The following RRN3 variants were observed in gnomAD, a reference collection of about 807,000 sequenced individuals.
RRN3 encodes the protein RNA polymerase I-specific transcription initiation factor RRN3.
RRN3 carries 38 observed loss-of-function variants against 82.3 expected under a neutral mutation model. The observed-to-expected ratio is 0.46, with a 90% CI of 0.36 to 0.61. RRN3 has a LOEUF of 0.61. RRN3 is among the 20% of genes least tolerant of loss of function. The pLI, the probability that RRN3 is intolerant of heterozygous loss-of-function variation, is 0.00. For synonymous variants in RRN3, 284 were observed against 284.3 expected, an observed-to-expected ratio of 1.00 and a Z score of 0.01; for missense variants, 726 against 793.1, an observed-to-expected ratio of 0.92 and a Z score of 1.02.
At position 15,086,125 on chromosome 16, in the gene RRN3, T is replaced by C. The variant is rs761881031; in HGVS notation, c.472+4A>G. On this transcript the variant is annotated splice_donor_region_variant and intron_variant, in intron 5 of 17. Transcript: ENST00000198767. ...AGAAAATAAAATTCCAAGCAATGAC[T>C]TACGAGGCACAAAATGGGAAGCAAT... 2 of 1,605,754 alleles carry C rather than the reference T, an allele frequency of 1.2e-6. No individual in the cohort carries two copies. The highest frequency in any genetic ancestry group is 2.2e-5 in the South Asian group (2 of 89,504).
In RRN3 at chr16:15,061,721, A is replaced by G; in HGVS notation, c.*23T>C. On this transcript the variant is annotated 3_prime_UTR_variant, in exon 18 of 18. Coordinates refer to ENST00000198767, the MANE Select transcript of RRN3 (RefSeq NM_018427.5). ...AGTGATGGGGAATCCCAAATGTCAC[A>G]TCTCAGTCACAAATTTCTGCCGTCA... 1 of 1,597,732 alleles carries G rather than the reference A, an allele frequency of 6.3e-7. No individual in the cohort carries two copies. The highest frequency in any genetic ancestry group is 8.6e-7 in the Non-Finnish European group (1 of 1,166,692).
intron 3 of RRN3, among the ~76,000 whole-genome samples, chr16:15,087,880 C>T (rs1174738653): frequency 6.6e-6 from 1 of 151,988 alleles, no homozygotes; most frequent in African/African-American, 2.4e-5. Flanking sequence ...TTTGGGAGGC[C>T]GAGGTGGGTG....
intron 3 of RRN3, among the ~76,000 whole-genome samples, chr16:15,090,933 T>C (rs1353848601): frequency 6.7e-6 from 1 of 150,290 alleles, no homozygotes; most frequent in African/African-American, 2.4e-5. Flanking sequence ...GCATGCAGCA[T>C]GGAGGAAAGA....
intron 3 of RRN3, among the ~76,000 whole-genome samples, chr16:15,086,655 ACT>A (rs1354593296): frequency 6.6e-6 from 1 of 152,214 alleles, no homozygotes; most frequent in African/African-American, 2.4e-5. Context: ...TAATCTAGTA[ACT>A]CTAATACACA....
intron 3 of RRN3, among the ~76,000 whole-genome samples, chr16:15,088,057 A>T (rs1299383989): frequency 6.6e-6 from 1 of 152,142 alleles, no homozygotes; most frequent in East Asian, 1.9e-4. Flanking sequence ...CAGAGGTTGC[A>T]GTGAGCCAAG....
intron 8 of RRN3, among the ~76,000 whole-genome samples, chr16:15,081,398 G>A (rs565529196): frequency 1.2e-4 from 19 of 152,146 alleles, no homozygotes; most frequent in Admixed American, 3.3e-4. Context: ...CTGTCTTCTC[G>A]TTCTGATTAT....
At chr16:15,074,053 T>A (rs1023904572) in intron 11 of RRN3, among the ~76,000 whole-genome samples, 7 of 152,208 alleles carry the variant, frequency 4.6e-5, no homozygotes, top group African/African-American at 1.7e-4. Flanking sequence ...GGGAAAAAAG[T>A]CAAACTTCAA....
intron 3 of RRN3, 143 bp from the exon 4 acceptor site, chr16:15,086,597 A>G: frequency 2.4e-6 from 3 of 1,232,402 alleles, no homozygotes; most frequent in Non-Finnish European, 3.4e-6. Context: ...ACTGGGTATT[A>G]AAACAGAAAA....
At chr16:15,069,948 G>C (rs2045150632) in intron 14 of RRN3, 122 bp downstream of exon 14, 6 of 1,446,924 alleles carry the variant, frequency 4.1e-6, no homozygotes, top group Non-Finnish European at 5.7e-6. Flanking sequence ...TTAAAAGTTT[G>C]AGTGCACATG....
chr16:15,061,778 G>A lies in RRN3; in HGVS notation c.1922C>T (p.Pro641Leu). ...ACTGGGTTGCATGTACAACACGGGT[G>A]GGGAGCCCACACTACTTGAAGGACT... ...FRSPSSSVGS[P>L]PVLYMQPSPL Residue 641 changes from proline (P) to leucine (L), a missense_variant, in exon 18 of 18, where the codon CCA (proline) becomes CTA (leucine). Physicochemically the swap from Pro to Leu is moderately conservative, Grantham distance 98. Transcript: ENST00000198767. The A allele has an allele frequency of 6.2e-7, 1 of 1,613,988 alleles. No homozygotes were observed. The highest frequency in any genetic ancestry group is 8.5e-7 in the Non-Finnish European group (1 of 1,179,840).
rs189732613 is a variant in RRN3 at position 15,073,470 on chromosome 16, A to C, written c.998-390T>G. On this transcript the variant is annotated intron_variant, in intron 11 of 17. Transcript: ENST00000198767. Reference sequence around the variant, plus strand: ...ACCGTGGCTATTTAAAAAAAAAAGAAAGACAGACATTATCCATTAAAATAC... The same window carrying C: ...ACCGTGGCTATTTAAAAAAAAAAGACAGACAGACATTATCCATTAAAATAC... 1.9e-3 allele frequency among the ~76,000 whole-genome samples: 291 copies of C among 152,302 alleles called. 1 individual carries two copies. Among genetic ancestry groups the C allele is most frequent in the Middle Eastern group, 0.01 (3 of 294 alleles).
chr16:15,084,758 C>T, intron 6 of RRN3, 53 bp from the exon 7 acceptor site: 3 of 1,248,158 alleles, frequency 2.4e-6, no homozygotes, highest in Non-Finnish European at 1.2e-6. Flanking sequence ...TGAAGGGCGA[C>T]ACGCTTGAAG....
At chr16:15,062,706 T>C (rs1425554058) in intron 17 of RRN3, among the ~76,000 whole-genome samples, 1 of 152,228 alleles carries the variant, frequency 6.6e-6, no homozygotes, top group African/African-American at 2.4e-5. Context: ...AAGATCTAAA[T>C]TCATTCAGCT....
chr16:15,093,961 C>T, intron 1 of RRN3, 184 bp downstream of exon 1: 3 of 626,978 alleles, frequency 4.8e-6, no homozygotes, highest in South Asian at 1.9e-5. Flanking sequence ...CTTTTCCAGG[C>T]CCCACCCATG....
At chr16:15,092,936 G>C (rs2151830216) in intron 1 of RRN3, among the ~76,000 whole-genome samples, 1 of 152,052 alleles carries the variant, frequency 6.6e-6, no homozygotes, top group South Asian at 2.1e-4. Flanking sequence ...CTTCAAACAA[G>C]CCAAGCTGTT....
rs1168928708 is a variant in RRN3, at chr16:15,093,097, C to CG, written c.90-484dup. On this transcript the variant is annotated intron_variant, in intron 1 of 17. Transcript: ENST00000198767. ...TGGCTTAACTGCAACCTCCATCTCCCGGGTTCAAGCAATTATCCTGCCTCA... is the reference window on the plus strand; with the variant it reads ...TGGCTTAACTGCAACCTCCATCTCCCGGGGTTCAAGCAATTATCCTGCCTCA... Among the ~76,000 whole-genome samples, 4 of 152,164 alleles carry CG rather than the reference C, an allele frequency of 2.6e-5. No homozygotes were observed. The East Asian group carries it at 7.7e-4, about 29-fold the overall frequency.
At chr16:15,070,752 T>C (rs2045189261) in intron 13 of RRN3, among the ~76,000 whole-genome samples, 1 of 151,880 alleles carries the variant, frequency 6.6e-6, no homozygotes, top group South Asian at 2.1e-4. Flanking sequence ...GATAGGTCTA[T>C]TACCTTTAAA....
chr16:15,061,689 C>A lies in RRN3; in HGVS notation c.*55G>T. 1.3e-6 allele frequency: 2 copies of A among 1,548,124 alleles called. No individual in the cohort carries two copies. Among genetic ancestry groups the A allele is most frequent in the South Asian group, 1.1e-5 (1 of 86,992 alleles). ...AATGGCACAAGCTGGGTGCTGAGGG[C>A]ATGACAAGTGATGGGGAATCCCAAA... On this transcript the variant is annotated 3_prime_UTR_variant, in exon 18 of 18. Transcript: ENST00000198767.
chr16:15,091,683 C>G (rs573856646), intron 2 of RRN3, among the ~76,000 whole-genome samples: 126 of 152,288 alleles, frequency 8.3e-4, no homozygotes, highest in African/African-American at 3.0e-3. Flanking sequence ...CTATAATGAT[C>G]TAATTCAGGA....
Sources: allele counts gnomAD v4.1 joint callset (sites outside exome capture counted in the v4.1 genomes callset), GRCh38; gene constraint gnomAD v4.1.1; transcripts MANE v1.5; gene names NCBI Gene and HGNC (gene_info 2026-07-23, HGNC 2026-07-21).